Variants in SEPTIN14 observed in about 807,000 individuals in gnomAD.
The protein encoded by SEPTIN14 is septin 14, also known as septin-14.
Under a neutral mutation model 53.6 loss-of-function variants are expected in SEPTIN14, and 40 were observed. The observed-to-expected ratio is 0.75, with a 90% CI of 0.58 to 0.97. SEPTIN14 has a LOEUF of 0.97. SEPTIN14 is among the 50% of genes least tolerant of loss of function. The probability of loss-of-function intolerance (pLI) is 0.00; values close to 1 mark genes in which losing one functional copy is unlikely to be tolerated. For synonymous variants in SEPTIN14, 138 were observed against 166.8 expected (o/e 0.83, Z 1.33); for missense variants, 471 against 508.2 (o/e 0.93, Z 0.70).
At chr7:55,848,296 G>C (rs1432424478) in intron 2 of SEPTIN14, among the ~76,000 whole-genome samples, 1 of 152,060 alleles carries the variant, frequency 6.6e-6, no homozygotes, top group Admixed American at 6.6e-5. Context: ...AGAAAAGCTG[G>C]GACTACATGC....
chr7:55,808,748 C>T (rs570084881), intron 7 of SEPTIN14, among the ~76,000 whole-genome samples: 1 of 152,186 alleles, frequency 6.6e-6, no homozygotes, highest in Admixed American at 6.6e-5. Flanking sequence ...GATGGAGTTT[C>T]ACCATGTTGA....
At chr7:55,851,559 C>T (rs564698753) in intron 2 of SEPTIN14, among the ~76,000 whole-genome samples, 1 of 151,952 alleles carries the variant, frequency 6.6e-6, no homozygotes, top group South Asian at 2.1e-4. Context: ...CTATAAAATA[C>T]TGATGCAAGA....
In SEPTIN14 at chr7:55,848,136, C is replaced by T. The variant is rs1282023986; in HGVS notation, c.55-1499G>A. Reference sequence around the variant, plus strand: ...TTAAGGTAGAAGCATCAACAATCAGCTCAGTAGATGTTGTCTACATTTATT... The same window carrying T: ...TTAAGGTAGAAGCATCAACAATCAGTTCAGTAGATGTTGTCTACATTTATT... On this transcript the variant is annotated intron_variant, in intron 2 of 9. Coordinates refer to ENST00000388975, the MANE Select transcript of SEPTIN14 (RefSeq NM_207366.3). 3.3e-5 allele frequency among the ~76,000 whole-genome samples: 5 copies of T among 152,160 alleles called. No homozygotes were observed. In the East Asian group the frequency reaches 9.6e-4, roughly 29 times the overall value.
chr7:55,802,781 C>CA (rs80183449), intron 9 of SEPTIN14, among the ~76,000 whole-genome samples: 86 of 143,630 alleles, frequency 6.0e-4, no homozygotes, highest in Middle Eastern at 7.1e-3. Flanking sequence ...CCTGCACAGC[C>CA]AAAAAAAAAA....
At chr7:55,809,799 C>G (rs1788669962) in intron 7 of SEPTIN14, among the ~76,000 whole-genome samples, 1 of 148,500 alleles carries the variant, frequency 6.7e-6, no homozygotes, top group African/African-American at 2.5e-5. Context: ...ATTCTCTCTT[C>G]TCCATATGCT....
Position 55,835,141 on chromosome 7 carries a change from C to T in SEPTIN14, c.559-555G>A, listed in dbSNP as rs141721629. Among the ~76,000 whole-genome samples, 170 of 152,220 alleles carry T rather than the reference C, an allele frequency of 1.1e-3. 2 individuals carry two copies. The highest frequency in any genetic ancestry group is 3.9e-3 in the African/African-American group (160 of 41,550). On this transcript the variant is annotated intron_variant, in intron 5 of 9. Transcript: ENST00000388975. ...TCTAAAAATCCCTTATACCTCTACACATATGGAGTTAGTAAAATGTAAATA... is the reference window on the plus strand; with the variant it reads ...TCTAAAAATCCCTTATACCTCTACATATATGGAGTTAGTAAAATGTAAATA...
chr7:55,824,237 C>T (rs1177665774), intron 6 of SEPTIN14, among the ~76,000 whole-genome samples: 1 of 152,120 alleles, frequency 6.6e-6, no homozygotes, highest in Non-Finnish European at 1.5e-5. Context: ...GCAAAACACA[C>T]ACTTGATAAA....
intron 6 of SEPTIN14, 150 bp from the exon 7 acceptor site, chr7:55,819,373 A>G (rs1788852819): frequency 1.6e-6 from 1 of 621,148 alleles, no homozygotes; most frequent in South Asian, 1.7e-5. Flanking sequence ...GCGGATCATG[A>G]GGTCAGGAGA....
At chr7:55,809,378 T>C (rs1288803709) in intron 7 of SEPTIN14, among the ~76,000 whole-genome samples, 2 of 147,650 alleles carry the variant, frequency 1.4e-5, no homozygotes, top group Admixed American at 1.4e-4. Context: ...TTTTTTGAGA[T>C]GGAATCTCGC....
At chr7:55,859,779 C>T (rs954435665) in intron 2 of SEPTIN14, among the ~76,000 whole-genome samples, 1 of 152,172 alleles carries the variant, frequency 6.6e-6, no homozygotes, top group South Asian at 2.1e-4. Context: ...GAGATCTCTG[C>T]ATCCCTGTGT....
At chr7:55,796,592 CA>C (rs1788435764) in intron 9 of SEPTIN14, among the ~76,000 whole-genome samples, 1 of 151,940 alleles carries the variant, frequency 6.6e-6, no homozygotes, top group Non-Finnish European at 1.5e-5. Flanking sequence ...CTCCTGAGCT[CA>C]AGTGATCCTC....
chr7:55,811,493 GTTC>G, intron 7 of SEPTIN14: 9 of 237,174 alleles, frequency 3.8e-5, no homozygotes, highest in East Asian at 1.3e-4. Context: ...AAGTTTTACA[GTTC>G]TTTTTTTTTT....
chr7:55,802,355 C>G (rs1308195853), intron 9 of SEPTIN14, among the ~76,000 whole-genome samples: 1 of 152,092 alleles, frequency 6.6e-6, no homozygotes, highest in African/African-American at 2.4e-5. Context: ...TACTCTGATA[C>G]TACAGCCAGA....
At chr7:55,810,522 T>G (rs1403233368) in intron 7 of SEPTIN14, among the ~76,000 whole-genome samples, 1 of 147,500 alleles carries the variant, frequency 6.8e-6, no homozygotes, top group Non-Finnish European at 1.5e-5. Flanking sequence ...TCACCCAGGC[T>G]GGAGTTCAAT....
At chr7:55,848,633 C>T (rs578233944) in intron 2 of SEPTIN14, among the ~76,000 whole-genome samples, 8 of 130,304 alleles carry the variant, frequency 6.1e-5, no homozygotes, top group Admixed American at 2.6e-4. Context: ...TTTTTTGAGA[C>T]GGAGTCTCGC....
At chr7:55,835,622 A>T (rs987906221) in intron 5 of SEPTIN14, among the ~76,000 whole-genome samples, 2 of 152,130 alleles carry the variant, frequency 1.3e-5, no homozygotes, top group Admixed American at 1.3e-4. Context: ...CACTTTTTCC[A>T]TCAATCAATC....
intron 6 of SEPTIN14, among the ~76,000 whole-genome samples, chr7:55,833,506 G>C (rs995808979): frequency 6.6e-6 from 1 of 152,054 alleles, no homozygotes; most frequent in African/African-American, 2.4e-5. Flanking sequence ...CCAGGAGTTT[G>C]AGACCAGCCT....
Position 55,844,688 on chromosome 7 carries a change from A to G in SEPTIN14, c.206T>C (p.Ile69Thr), listed in dbSNP as rs1306540451. 2 of 1,602,460 alleles carry G rather than the reference A, an allele frequency of 1.2e-6. No homozygotes were observed. The highest frequency in any genetic ancestry group is 1.7e-5 in the Admixed American group (1 of 59,804). The part of the protein sequence containing the change: ...GETGIGKSTL[I>T]DTLFNTNLKD... ...CAAGTTAGTATTAAACAATGTGTCT[A>G]TCAGTGTCGATTTTCCAATTCCAGT... Residue 69 changes from isoleucine (I) to threonine (T), a missense_variant, in exon 4 of 10, where the codon ATA becomes ACA. Ile to Thr is a moderately conservative substitution (Grantham distance 89). Transcript: ENST00000388975.
rs112595516 is a variant in SEPTIN14 at position 55,854,452 on chromosome 7, C to A, written c.54+7491G>T. On this transcript the variant is annotated intron_variant, in intron 2 of 9. Transcript: ENST00000388975. ...CTGGAGGTTCTTTTTTTTTTTGAGA[C>A]GGAGTCTCGCTCTGTCGCCCAGGTT... Among the ~76,000 whole-genome samples, 178 of 151,058 alleles carry A rather than the reference C, an allele frequency of 1.2e-3. 2 individuals are homozygous for A. The highest frequency in any genetic ancestry group is 4.2e-3 in the African/African-American group (171 of 41,176).
Sources: gnomAD v4.1 joint callset for allele counts (sites outside exome capture counted in the v4.1 genomes callset) on GRCh38, gnomAD v4.1.1 for gene constraint, MANE v1.5 for transcripts, NCBI Gene and HGNC (gene_info 2026-07-23, HGNC 2026-07-21) for gene names.